Variants in RBM26 observed in about 807,000 individuals in gnomAD.
RBM26 encodes RNA binding motif protein 26.
RBM26 carries 30 observed loss-of-function variants against 123.6 expected under a neutral mutation model. That is an observed-to-expected ratio of 0.24 (90% CI 0.18 to 0.33). The LOEUF (loss-of-function observed/expected upper bound fraction) is 0.33, where lower values mean the gene tolerates loss of function less well. Among genes scored for constraint, RBM26 ranks in the 10% least tolerant of loss-of-function variants. The pLI is 1.00. For missense variants in RBM26, 947 were observed against 1,203.6 expected, an observed-to-expected ratio of 0.79 and a Z score of 3.15; for synonymous variants, 400 against 404.4, an observed-to-expected ratio of 0.99 and a Z score of 0.13.
chr13:79,377,238 CTA>C, intron 3 of RBM26, 139 bp downstream of exon 3: 1 of 652,080 alleles, frequency 1.5e-6, no homozygotes, highest in Non-Finnish European at 2.6e-6. Flanking sequence ...ATGCAGAGTC[CTA>C]TGAGTCCTCC....
chr13:79,393,963 C>A (rs2078329132), intron 1 of RBM26, among the ~76,000 whole-genome samples: 1 of 152,182 alleles, frequency 6.6e-6, no homozygotes. Context: ...ACCTTGGGGG[C>A]AAGTCTGCTT....
At chr13:79,340,412 C>T (rs994563240) in intron 18 of RBM26, among the ~76,000 whole-genome samples, 1 of 152,018 alleles carries the variant, frequency 6.6e-6, no homozygotes, top group Non-Finnish European at 1.5e-5. Flanking sequence ...AAGAAAAAAG[C>T]ATTAATCTCA....
At chr13:79,352,992 A>G (rs1244353563) in intron 14 of RBM26, among the ~76,000 whole-genome samples, 161 bp downstream of exon 14, 1 of 145,886 alleles carries the variant, frequency 6.9e-6, no homozygotes, top group African/African-American at 2.6e-5. Flanking sequence ...AAAAAAAGGA[A>G]AATATTTTTC....
rs796821817 is a variant in RBM26, at chr13:79,319,322, A to T, written c.*1299T>A. On this transcript the variant is annotated 3_prime_UTR_variant, in exon 22 of 22. Coordinates refer to ENST00000438737, the MANE Select transcript of RBM26 (RefSeq NM_001366735.2). ...GAGAGGCAGAAACACTTGCAATCAA[A>T]ATGATGAATTTGAAAATATAAATAT... is the stretch of plus-strand genomic sequence containing the variant. The T allele has an allele frequency of 6.9e-5, 68 of 982,678 alleles. No individual in the cohort carries two copies. In the African/African-American group the frequency reaches 1.2e-3, roughly 17 times the overall value. The allele number at this position is 982,678 out of a possible 1,614,324, so 60.9% of individuals were successfully genotyped here.
At chr13:79,318,364 T>C (rs2067340748), downstream of RBM26, among the ~76,000 whole-genome samples, 1 of 151,380 alleles carries the variant, frequency 6.6e-6, no homozygotes, top group Admixed American at 6.6e-5. Context: ...TAAGTTTCCT[T>C]ATCTATAAAA....
Position 79,392,793 on chromosome 13 carries a change from C to CAA in RBM26, c.71+12909_71+12910dup, listed in dbSNP as rs58872719. ...TAAAACCCAACAAGCTTGAGAAGAC[C>CAA]AAAAAAAAAAAAAATCTGTAAATGA... is the stretch of plus-strand genomic sequence containing the variant. On this transcript the variant is annotated intron_variant, in intron 1 of 21. Coordinates refer to ENST00000438737, the MANE Select transcript of RBM26 (RefSeq NM_001366735.2). 4.0e-3 allele frequency among the ~76,000 whole-genome samples: 563 copies of CAA among 140,032 alleles called. 5 individuals are homozygous for CAA. Among genetic ancestry groups the CAA allele is most frequent in the African/African-American group, 0.013 (500 of 38,388 alleles). 91.9% of individuals were successfully genotyped at this position (140,032 alleles called of 152,430 possible).
At chr13:79,394,140 C>T (rs528560832) in intron 1 of RBM26, among the ~76,000 whole-genome samples, 14 of 152,342 alleles carry the variant, frequency 9.2e-5, no homozygotes, top group Non-Finnish European at 1.9e-4. Flanking sequence ...TGACCTCCAA[C>T]CTTCCCCTCT....
intron 1 of RBM26, among the ~76,000 whole-genome samples, chr13:79,397,736 T>A (rs1246859857): frequency 6.8e-6 from 1 of 147,004 alleles, no homozygotes; most frequent in African/African-American, 2.5e-5. Context: ...AAAATTGTCA[T>A]TACTCATAGA....
At position 79,366,705 on chromosome 13, in the gene RBM26, G is replaced by T. The variant is rs554864290; in HGVS notation, c.1063C>A (p.Pro355Thr). ...GLPPPPPILTPPPVNLRPPVP... is the reference protein window; with the variant it reads ...GLPPPPPILTTPPVNLRPPVP... ...GGGGGCCTGAGATTCACAGGTGGGG[G>T]TGTAAGAATTGGTGGAGGTGGGGGG... is the stretch of plus-strand genomic sequence containing the variant. Residue 355 changes from proline (P) to threonine (T), a missense_variant, in exon 7 of 22, where the codon CCC (proline) becomes ACC (threonine). By Grantham distance (38) the Pro-to-Thr change is conservative. Coordinates refer to ENST00000438737, the MANE Select transcript of RBM26 (RefSeq NM_001366735.2). The T allele has an allele frequency of 5.6e-6, 9 of 1,609,270 alleles. No homozygotes were observed. The East Asian group carries it at 1.3e-4, about 24-fold the overall frequency.
At chr13:79,341,969 A>G (rs935189319) in intron 17 of RBM26, among the ~76,000 whole-genome samples, 1 of 151,892 alleles carries the variant, frequency 6.6e-6, no homozygotes, top group Non-Finnish European at 1.5e-5. Context: ...TTTGAATTTT[A>G]TATTTAGTTA....
intron 1 of RBM26, among the ~76,000 whole-genome samples, chr13:79,398,817 C>T (rs2078816069): frequency 1.3e-5 from 2 of 152,170 alleles, no homozygotes. Flanking sequence ...CACATATCTG[C>T]TGTTCTGAAG....
chr13:79,394,716 C>G (rs1447891951), intron 1 of RBM26, among the ~76,000 whole-genome samples: 1 of 152,180 alleles, frequency 6.6e-6, no homozygotes, highest in Non-Finnish European at 1.5e-5. Flanking sequence ...TCACTGCAAC[C>G]TCCGCCTCCT....
In RBM26 at chr13:79,320,389, C is replaced by T; in HGVS notation, c.*232G>A. ...GTAGAAGTATGTAATAAAAACATTG[C>T]ATATGTTTCTAGTGTGATGTCTTTA... On this transcript the variant is annotated 3_prime_UTR_variant, in exon 22 of 22. Transcript: ENST00000438737. 8.7e-7 allele frequency: 1 copy of T among 1,143,066 alleles called. No individual in the cohort carries two copies. The highest frequency in any genetic ancestry group is 1.1e-6 in the Non-Finnish European group (1 of 929,722). 70.8% of individuals were successfully genotyped at this position (1,143,066 alleles called of 1,614,324 possible).
At chr13:79,321,727 C>T (rs755566361) in intron 21 of RBM26, among the ~76,000 whole-genome samples, 42 of 151,370 alleles carry the variant, frequency 2.8e-4, no homozygotes, top group Non-Finnish European at 5.9e-5. Flanking sequence ...GGCCCAGTTC[C>T]ACTATCAATA....
rs557948398 is a variant in RBM26 at position 79,355,134 on chromosome 13, A to T, written c.1854+86T>A. On this transcript the variant is annotated intron_variant, in intron 12 of 21. Coordinates refer to ENST00000438737, the MANE Select transcript of RBM26 (RefSeq NM_001366735.2). Reference sequence around the variant, plus strand: ...AGAACCAGGGTATGAACTCAGGCCTACTTGATTCCAATGCCTCTACTCGTA... The same window carrying T: ...AGAACCAGGGTATGAACTCAGGCCTTCTTGATTCCAATGCCTCTACTCGTA... The T allele has an allele frequency of 8.3e-4, 1,039 of 1,250,702 alleles. 3 individuals are homozygous for T. Among genetic ancestry groups the T allele is most frequent in the Non-Finnish European group, 1.0e-3 (873 of 874,146 alleles). The allele number at this position is 1,250,702 out of a possible 1,614,324, so 77.5% of individuals were successfully genotyped here.
At chr13:79,373,346 A>G (rs1477542194) in intron 3 of RBM26, among the ~76,000 whole-genome samples, 1 of 105,888 alleles carries the variant, frequency 9.4e-6, no homozygotes, top group Non-Finnish European at 1.7e-5. Flanking sequence ...TATATTATAT[A>G]TAAATAAAAT....
chr13:79,405,387 G>A (rs1336779583), intron 1 of RBM26, among the ~76,000 whole-genome samples: 2 of 152,162 alleles, frequency 1.3e-5, no homozygotes, highest in Non-Finnish European at 2.9e-5. Flanking sequence ...TAATCTGTAG[G>A]AAGTAAAATA....
At chr13:79,368,215 G>A (rs112716935) in intron 6 of RBM26, among the ~76,000 whole-genome samples, 2,431 of 152,100 alleles carry the variant, frequency 0.016, 71 homozygotes, top group African/African-American at 0.055. Context: ...TAGTAGAGAC[G>A]GGGTTGCATA....
chr13:79,359,584 C>G lies in RBM26; in HGVS notation c.1520G>C (p.Trp507Ser). ...GEPGVPTKKT[W>S]FDKPNFNRTN... The stretch of plus-strand genomic sequence containing the variant: ...TTCCTGGCCACCTTACTTATCAAAC[C>G]AAGTCTTCTTTGTAGGAACTCCAGG... Residue 507 changes from tryptophan (W) to serine (S), a missense_variant, in exon 10 of 22, where the codon TGG (tryptophan) becomes TCG (serine). Transcript: ENST00000438737. 6.4e-7 allele frequency: 1 copy of G among 1,558,138 alleles called. No individual in the cohort carries two copies.
Sources: gnomAD v4.1 joint callset for allele counts (sites outside exome capture counted in the v4.1 genomes callset) on GRCh38, gnomAD v4.1.1 for gene constraint, MANE v1.5 for transcripts, NCBI Gene and HGNC (gene_info 2026-07-23, HGNC 2026-07-21) for gene names.